PAPPA2: variants seen among roughly 807,000 people sequenced by gnomAD.
The protein encoded by PAPPA2 is pappalysin 2.
Under a neutral mutation model 176.4 loss-of-function variants are expected in PAPPA2, and 86 were observed. The ratio of observed to expected loss-of-function variants is 0.49; its 90% CI spans 0.41 to 0.58. The LOEUF (loss-of-function observed/expected upper bound fraction) is 0.58. Among genes scored for constraint, PAPPA2 ranks in the 20% least tolerant of loss-of-function variants. The probability of loss-of-function intolerance (pLI) is 0.00; values close to 1 mark genes in which losing one functional copy is unlikely to be tolerated. For missense variants in PAPPA2, 2,073 were observed against 2,256.9 expected (o/e 0.92, Z 1.65); for synonymous variants, 809 against 852.2 (o/e 0.95, Z 0.88).
chr1:176,677,984 G>A (rs1207418211), intron 4 of PAPPA2, among the ~76,000 whole-genome samples: 2 of 152,166 alleles, frequency 1.3e-5, no homozygotes, highest in African/African-American at 4.8e-5. Context: ...ACATGGAAAG[G>A]AAAGTGCCTA....
chr1:176,683,813 G>A (rs1314703575), intron 4 of PAPPA2, among the ~76,000 whole-genome samples: 1 of 152,100 alleles, frequency 6.6e-6, no homozygotes, highest in Non-Finnish European at 1.5e-5. Flanking sequence ...TTACCATAAT[G>A]AGGCAAGATC....
Position 176,827,941 on chromosome 1 carries a change from T to C in PAPPA2, c.5203-12232T>C, listed in dbSNP as rs151180770. 7.6e-3 allele frequency among the ~76,000 whole-genome samples: 1,157 copies of C among 152,258 alleles called. 23 individuals are homozygous for C. Among genetic ancestry groups the C allele is most frequent in the African/African-American group, 0.026 (1,081 of 41,544 alleles). ...TAAAAAATACTATATAATACATTTC[T>C]CATGGCTATCTGTGACATTGACTTT... On this transcript the variant is annotated intron_variant, in intron 21 of 22. Coordinates refer to ENST00000367662, the MANE Select transcript of PAPPA2 (RefSeq NM_020318.3).
chr1:176,621,030 G>C (rs1205703167), intron 3 of PAPPA2, among the ~76,000 whole-genome samples: 6 of 152,028 alleles, frequency 3.9e-5, no homozygotes, highest in Non-Finnish European at 5.9e-5. Flanking sequence ...AGGTAGGTGG[G>C]CAAAAGAATG....
intron 2 of PAPPA2, among the ~76,000 whole-genome samples, chr1:176,567,791 G>A (rs1652075304): frequency 6.6e-6 from 1 of 152,188 alleles, no homozygotes; most frequent in African/African-American, 2.4e-5. Flanking sequence ...GATTTCTTGA[G>A]GCTAGGAAAG....
At chr1:176,735,724 CT>C (rs1298156085) in intron 12 of PAPPA2, among the ~76,000 whole-genome samples, 8 of 145,976 alleles carry the variant, frequency 5.5e-5, no homozygotes, top group Admixed American at 2.1e-4. Flanking sequence ...ATCTATCTAT[CT>C]ATCTATCTAT....
chr1:176,741,846 G>A (rs1212990240), intron 14 of PAPPA2, among the ~76,000 whole-genome samples: 1 of 152,088 alleles, frequency 6.6e-6, no homozygotes, highest in African/African-American at 2.4e-5. Context: ...TTAGAATTAT[G>A]GCCTCTCTCT....
At chr1:176,816,161 T>C (rs1392800120) in intron 21 of PAPPA2, among the ~76,000 whole-genome samples, 10 of 84,454 alleles carry the variant, frequency 1.2e-4, no homozygotes, top group African/African-American at 4.8e-4. Flanking sequence ...TGTATATATA[T>C]ATATATATAT....
chr1:176,720,486 A>G (rs1276797512), intron 12 of PAPPA2, among the ~76,000 whole-genome samples: 1 of 152,110 alleles, frequency 6.6e-6, no homozygotes, highest in African/African-American at 2.4e-5. Context: ...TAAACTTACC[A>G]ACTTACCGTT....
At chr1:176,763,051 C>T (rs1012225292) in intron 14 of PAPPA2, among the ~76,000 whole-genome samples, 9 of 152,122 alleles carry the variant, frequency 5.9e-5, no homozygotes, top group Non-Finnish European at 8.8e-5. Context: ...CTGAATTCAC[C>T]CTTTTGGGGC....
intron 17 of PAPPA2, among the ~76,000 whole-genome samples, chr1:176,782,984 G>C (rs1378193225): frequency 6.6e-6 from 1 of 152,104 alleles, no homozygotes; most frequent in African/African-American, 2.4e-5. Context: ...AAAGCAGATG[G>C]GGTGACCAAA....
chr1:176,560,199 G>A (rs975320020), intron 2 of PAPPA2, among the ~76,000 whole-genome samples: 3 of 152,190 alleles, frequency 2.0e-5, no homozygotes, highest in Non-Finnish European at 4.4e-5. Context: ...AAGGGCAAAA[G>A]TGACATTTTT....
At chr1:176,775,829 A>T (rs1252878604) in intron 17 of PAPPA2, among the ~76,000 whole-genome samples, 1 of 152,188 alleles carries the variant, frequency 6.6e-6, no homozygotes, top group Non-Finnish European at 1.5e-5. Flanking sequence ...TTCCTGAAAG[A>T]TCCAGAATAA....
intron 1 of PAPPA2, among the ~76,000 whole-genome samples, chr1:176,544,857 A>T (rs1650545767): frequency 6.6e-6 from 1 of 152,174 alleles, no homozygotes; most frequent in South Asian, 2.1e-4. Flanking sequence ...AAAGCAGATT[A>T]TTACTAGATT....
chr1:176,694,714 T>C (rs958886719), intron 6 of PAPPA2, among the ~76,000 whole-genome samples: 1 of 152,212 alleles, frequency 6.6e-6, no homozygotes, highest in African/African-American at 2.4e-5. Flanking sequence ...GTTACCTCAG[T>C]TATAGTACTT....
intron 14 of PAPPA2, among the ~76,000 whole-genome samples, chr1:176,763,621 C>T (rs1214513914): frequency 6.6e-6 from 1 of 152,150 alleles, no homozygotes. Context: ...TTTTCCTCTT[C>T]AGAGTGTCCA....
intron 21 of PAPPA2, among the ~76,000 whole-genome samples, chr1:176,813,756 A>G (rs1358145970): frequency 6.6e-6 from 1 of 152,236 alleles, no homozygotes; most frequent in Non-Finnish European, 1.5e-5. Flanking sequence ...CTCTGATGAT[A>G]GTATCTTTTG....
chr1:176,689,431 CA>C (rs1192367407), intron 4 of PAPPA2, among the ~76,000 whole-genome samples: 1 of 152,194 alleles, frequency 6.6e-6, no homozygotes, highest in African/African-American at 2.4e-5. Context: ...GTGATTGTGA[CA>C]TTCTCAATTT....
intron 9 of PAPPA2, among the ~76,000 whole-genome samples, chr1:176,704,046 C>T (rs1287587526): frequency 6.6e-6 from 1 of 152,138 alleles, no homozygotes; most frequent in Non-Finnish European, 1.5e-5. Flanking sequence ...ACACTCTGCC[C>T]TCTGTCCTAG....
chr1:176,623,605 T>TTTTTA (rs1558478941), intron 3 of PAPPA2, among the ~76,000 whole-genome samples: 92 of 143,584 alleles, frequency 6.4e-4, no homozygotes, highest in African/African-American at 1.9e-3. Context: ...CTTCCTTCCT[T>TTTTTA]CCTTCCTTCC....
Sources: gnomAD v4.1 joint callset for allele counts (sites outside exome capture counted in the v4.1 genomes callset) on GRCh38, gnomAD v4.1.1 for gene constraint, MANE v1.5 for transcripts, NCBI Gene and HGNC (gene_info 2026-07-23, HGNC 2026-07-21) for gene names.